Variants in NR1I2 observed in about 807,000 individuals in gnomAD.
NR1I2 encodes nuclear receptor subfamily 1 group I member 2.
In NR1I2, 42 loss-of-function variants were observed where a neutral mutation model predicts 43.3. That is an observed-to-expected ratio of 0.97 (90% CI 0.76 to 1.26). NR1I2 has a LOEUF of 1.26. Among genes scored for constraint, NR1I2 ranks in the 50% most tolerant of loss-of-function variants. The pLI, the probability that NR1I2 is intolerant of heterozygous loss-of-function variation, is 0.00. For missense variants in NR1I2, 559 were observed against 566.7 expected, an observed-to-expected ratio of 0.99 and a Z score of 0.14; for synonymous variants, 229 against 215.0, an observed-to-expected ratio of 1.06 and a Z score of -0.57.
intron 1 of NR1I2, chr3:119,802,931 A>G (rs1297215464): frequency 4.4e-6 from 2 of 456,544 alleles, no homozygotes; most frequent in African/African-American, 2.0e-5. Context: ...CCAAATTCGT[A>G]TGTTAAAATC....
chr3:119,801,100 T>G (rs1003406026), intron 1 of NR1I2, among the ~76,000 whole-genome samples: 3 of 152,332 alleles, frequency 2.0e-5, no homozygotes, highest in Middle Eastern at 3.4e-3. Flanking sequence ...TGACAGTGCC[T>G]TCAGCAAACT....
At chr3:119,791,943 T>C in intron 1 of NR1I2, 1 of 671,400 alleles carries the variant, frequency 1.5e-6, no homozygotes. Flanking sequence ...CTTTGACCGA[T>C]TCTGTGGAGT....
At position 119,814,118 on chromosome 3, in the gene NR1I2, A is replaced by G. The variant is rs573496067; in HGVS notation, c.795-861A>G. ...ATTTGTAGCTCAGTGTTAGGGATCT[A>G]AAAGAAGGATGGGCGCCAGTAGCAC... On this transcript the variant is annotated intron_variant, in intron 5 of 8. Transcript: ENST00000393716. Among the ~76,000 whole-genome samples the G allele has an allele frequency of 2.0e-5, 3 of 152,194 alleles. No homozygotes were observed. The South Asian group carries it at 6.2e-4, about 31-fold the overall frequency.
chr3:119,805,298 CTT>C (rs898449666), intron 1 of NR1I2, among the ~76,000 whole-genome samples: 2 of 152,064 alleles, frequency 1.3e-5, no homozygotes, highest in Non-Finnish European at 2.9e-5. Context: ...CTGTGCCAGT[CTT>C]TTCATTCATG....
At position 119,807,152 on chromosome 3, in the gene NR1I2, G is replaced by A. The variant is rs2280566; in HGVS notation, c.-22-77G>A. ...GCCCAAATGTGAGTGATGCATAGAA[G>A]GGACAGAGTGTTTCCTCTGAGGCCT... On this transcript the variant is annotated intron_variant, in intron 1 of 8. Coordinates refer to ENST00000393716, the MANE Select transcript of NR1I2 (RefSeq NM_003889.4). The A allele has an allele frequency of 2.6e-5, 33 of 1,289,594 alleles. No homozygotes were observed. The East Asian group carries it at 7.7e-4, about 30-fold the overall frequency. The allele number at this position is 1,289,594 out of a possible 1,614,324, so 79.9% of individuals were successfully genotyped here.
chr3:119,798,116 C>T (rs376736146), intron 1 of NR1I2, among the ~76,000 whole-genome samples: 6 of 152,274 alleles, frequency 3.9e-5, no homozygotes, highest in East Asian at 1.9e-4. Context: ...TGTGCTTTCC[C>T]AGATTGCTTC....
At position 119,811,690 on chromosome 3, in the gene NR1I2, C is replaced by A. The variant is rs770523304; in HGVS notation, c.483C>A (p.Thr161=). 2.5e-6 allele frequency: 4 copies of A among 1,613,086 alleles called. No individual in the cohort carries two copies. Among genetic ancestry groups the A allele is most frequent in the Admixed American group, 1.7e-5 (1 of 59,890 alleles). The stretch of plus-strand genomic sequence containing the variant: ...AGCTGATGGACGCTCAGATGAAAAC[C>A]TTTGACACTACCTTCTCCCATTTCA... Residue 161 remains threonine (T), a synonymous_variant, in exon 4 of 9, where the codon ACC becomes ACA. Coordinates refer to ENST00000393716, the MANE Select transcript of NR1I2 (RefSeq NM_003889.4).
chr3:119,793,130 AC>A (rs1160531313), intron 1 of NR1I2, among the ~76,000 whole-genome samples: 4 of 152,004 alleles, frequency 2.6e-5, no homozygotes, highest in Non-Finnish European at 5.9e-5. Flanking sequence ...GCTTCCTGAG[AC>A]CTCACCAGAA....
chr3:119,816,962 T>C, intron 8 of NR1I2, 106 bp from the exon 9 acceptor site: 1 of 1,474,214 alleles, frequency 6.8e-7, no homozygotes, highest in South Asian at 1.2e-5. Context: ...GTCTCTTGGC[T>C]GACCTGAAAT....
chr3:119,789,719 T>C (rs1467217385), intron 1 of NR1I2, among the ~76,000 whole-genome samples: 1 of 152,210 alleles, frequency 6.6e-6, no homozygotes, highest in Non-Finnish European at 1.5e-5. Context: ...CCCTTCCTGC[T>C]TCACAGCTTC....
At chr3:119,814,317 G>GTAAC (rs1463270315) in intron 5 of NR1I2, among the ~76,000 whole-genome samples, 1 of 152,188 alleles carries the variant, frequency 6.6e-6, no homozygotes, top group African/African-American at 2.4e-5. Context: ...GGGTATCCAT[G>GTAAC]TAACCATAAT....
chr3:119,811,465 A>T, intron 3 of NR1I2, 74 bp from the exon 4 acceptor site: 1 of 1,441,586 alleles, frequency 6.9e-7, no homozygotes, highest in Non-Finnish European at 9.4e-7. Context: ...TGAGAGGGTT[A>T]CACAGTGGCT....
chr3:119,808,946 G>T (rs770385462), intron 2 of NR1I2, among the ~76,000 whole-genome samples: 20 of 152,224 alleles, frequency 1.3e-4, no homozygotes, highest in East Asian at 3.8e-4. Flanking sequence ...ACCCAGGCCA[G>T]TTGGGAAGGC....
intron 1 of NR1I2, among the ~76,000 whole-genome samples, chr3:119,795,581 C>T (rs941375134): frequency 6.6e-6 from 1 of 152,086 alleles, no homozygotes; most frequent in Non-Finnish European, 1.5e-5. Context: ...CTAATGCTGC[C>T]TCCTCCCTCC....
chr3:119,796,761 AC>A (rs1265680124), intron 1 of NR1I2, among the ~76,000 whole-genome samples: 1 of 151,892 alleles, frequency 6.6e-6, no homozygotes, highest in East Asian at 1.9e-4. Flanking sequence ...GTTCCTTCCC[AC>A]CTTCTCTCTC....
Position 119,818,381 on chromosome 3 carries a change from A to G in NR1I2, c.*1169A>G, listed in dbSNP as rs564100981. 6 of 985,330 alleles carry G rather than the reference A, an allele frequency of 6.1e-6. No homozygotes were observed. The highest frequency in any genetic ancestry group is 7.2e-6 in the Non-Finnish European group (6 of 829,858). The allele number at this position is 985,330 out of a possible 1,614,324, so 61.0% of individuals were successfully genotyped here. Reference sequence around the variant, plus strand: ...ATTTTTTTGCATTTTCACAAATTATACTTTATATAAGGCATTCCACACCTA... The same window carrying G: ...ATTTTTTTGCATTTTCACAAATTATGCTTTATATAAGGCATTCCACACCTA... On this transcript the variant is annotated 3_prime_UTR_variant, in exon 9 of 9. Transcript: ENST00000393716.
rs776651745 is a variant in NR1I2, at chr3:119,807,459, C to T, written c.197+12C>T. ...AAGGGCTTTTTCAGGTAGAGTTACC[C>T]ATCAGCCTTCACCCACGTGCCACCA... On this transcript the variant is annotated intron_variant, in intron 2 of 8. Transcript: ENST00000393716. 6.2e-7 allele frequency: 1 copy of T among 1,610,236 alleles called. No individual in the cohort carries two copies. The highest frequency in any genetic ancestry group is 1.1e-5 in the South Asian group (1 of 90,914).
In NR1I2 at chr3:119,815,072, T is replaced by C. The variant is rs1347427260; in HGVS notation, c.888T>C (p.Thr296=). The change falls in exon 6 of 9, where the codon ACT becomes ACC. Residue 296 remains threonine (T), a synonymous_variant. Transcript: ENST00000393716. The stretch of plus-strand genomic sequence containing the variant: ...TCAACACAGTGTTCAACGCGGAGAC[T>C]GGAACCTGGGAGTGTGGCCGGCTGT... 6.2e-7 allele frequency: 1 copy of C among 1,614,158 alleles called. No homozygotes were observed. Among genetic ancestry groups the C allele is most frequent in the Admixed American group, 1.7e-5 (1 of 60,002 alleles).
intron 1 of NR1I2, among the ~76,000 whole-genome samples, chr3:119,799,981 A>C (rs1374008763): frequency 7.6e-6 from 1 of 131,466 alleles, no homozygotes; most frequent in Non-Finnish European, 1.7e-5. Flanking sequence ...CAAACAAACA[A>C]ACAAACACAC....
Sources: gnomAD v4.1 joint callset for allele counts (sites outside exome capture counted in the v4.1 genomes callset) on GRCh38, gnomAD v4.1.1 for gene constraint, MANE v1.5 for transcripts, NCBI Gene and HGNC (gene_info 2026-07-23, HGNC 2026-07-21) for gene names.